Variants in ASTN2 observed in about 807,000 individuals in gnomAD.
ASTN2 encodes the protein astrotactin 2.
Under a neutral mutation model 139.8 loss-of-function variants are expected in ASTN2, and 54 were observed. The ratio of observed to expected loss-of-function variants is 0.39; its 90% CI spans 0.31 to 0.48. The LOEUF (loss-of-function observed/expected upper bound fraction) is 0.48, where lower values mean the gene tolerates loss of function less well. Ranked by LOEUF, ASTN2 falls within the 20% of genes least tolerant of loss-of-function variation. The pLI is 0.95. For synonymous variants in ASTN2, 756 were observed against 719.5 expected (o/e 1.05, Z -0.81); for missense variants, 1,565 against 1,725.1 (o/e 0.91, Z 1.64).
rs577588525 is a variant in ASTN2, at chr9:116,736,516, G to A, written c.2397-2993C>T. Among the ~76,000 whole-genome samples the A allele has an allele frequency of 6.6e-5, 10 of 152,260 alleles. No individual in the cohort carries two copies. In the East Asian group the frequency reaches 9.7e-4, roughly 15 times the overall value. ...GTTGGAAGGGCCATAGTGCCTGGGC[G>A]TGTGCTGAGCCCAGACAGGATGCAG... On this transcript the variant is annotated intron_variant, in intron 13 of 22. Coordinates refer to ENST00000313400, the MANE Select transcript of ASTN2 (RefSeq NM_001365068.1).
At chr9:117,314,289 C>G (rs1161822660) in intron 1 of ASTN2, among the ~76,000 whole-genome samples, 1 of 151,308 alleles carries the variant, frequency 6.6e-6, no homozygotes, top group East Asian at 2.0e-4. Context: ...TCATGCTGAA[C>G]AAGCAGCATC....
chr9:116,653,450 C>G (rs940992010), intron 16 of ASTN2, among the ~76,000 whole-genome samples: 1 of 152,192 alleles, frequency 6.6e-6, no homozygotes, highest in Admixed American at 6.5e-5. Context: ...CTTGAAGAAG[C>G]AAAGTGATTT....
chr9:116,968,854 G>C (rs541852688), intron 10 of ASTN2, among the ~76,000 whole-genome samples: 1 of 145,152 alleles, frequency 6.9e-6, no homozygotes, highest in South Asian at 2.2e-4. Flanking sequence ...AGCTGAGATG[G>C]CACCACTGCA....
At chr9:116,805,210 T>C (rs1473662703) in intron 13 of ASTN2, among the ~76,000 whole-genome samples, 3 of 151,892 alleles carry the variant, frequency 2.0e-5, no homozygotes, top group African/African-American at 7.3e-5. Flanking sequence ...CAGGAAAATG[T>C]TAATTCTAGG....
chr9:117,182,065 A>G (rs1320991245), intron 3 of ASTN2, among the ~76,000 whole-genome samples: 1 of 152,084 alleles, frequency 6.6e-6, no homozygotes, highest in African/African-American at 2.4e-5. Context: ...ACAGTTCACA[A>G]GGCTGCTGTT....
At chr9:117,025,029 C>A (rs1445977314) in intron 6 of ASTN2, among the ~76,000 whole-genome samples, 1 of 152,110 alleles carries the variant, frequency 6.6e-6, no homozygotes, top group Non-Finnish European at 1.5e-5. Context: ...GAGGCCTCCC[C>A]AGCCATGTGG....
At chr9:116,509,829 G>T (rs1425568680) in intron 19 of ASTN2, among the ~76,000 whole-genome samples, 1 of 152,122 alleles carries the variant, frequency 6.6e-6, no homozygotes, top group Admixed American at 6.6e-5. Context: ...GTCTGTTGAT[G>T]TCCTTTGCCC....
intron 19 of ASTN2, among the ~76,000 whole-genome samples, chr9:116,593,045 A>G (rs1386613806): frequency 6.6e-6 from 1 of 152,244 alleles, no homozygotes; most frequent in Non-Finnish European, 1.5e-5. Context: ...GGCAACACAA[A>G]TATGTTGCCC....
intron 1 of ASTN2, among the ~76,000 whole-genome samples, chr9:117,397,318 A>G (rs969080012): frequency 1.2e-4 from 18 of 152,290 alleles, no homozygotes; most frequent in African/African-American, 3.6e-4. Flanking sequence ...ATTTATGAAC[A>G]TCCAAGAAAG....
At chr9:116,466,198 C>T (rs1848643414) in intron 20 of ASTN2, among the ~76,000 whole-genome samples, 1 of 152,144 alleles carries the variant, frequency 6.6e-6, no homozygotes, top group Non-Finnish European at 1.5e-5. Flanking sequence ...TAATCAACTG[C>T]TGGTCCAGGG....
intron 13 of ASTN2, among the ~76,000 whole-genome samples, chr9:116,779,173 T>G (rs1830156938): frequency 6.6e-6 from 1 of 152,188 alleles, no homozygotes; most frequent in Non-Finnish European, 1.5e-5. Context: ...GTTGCAAATT[T>G]AATCCCCATT....
At chr9:117,341,129 T>C (rs1829050913) in intron 1 of ASTN2, among the ~76,000 whole-genome samples, 1 of 152,206 alleles carries the variant, frequency 6.6e-6, no homozygotes, top group South Asian at 2.1e-4. Context: ...TTAAAGCCCT[T>C]GAGCAAGGAA....
intron 13 of ASTN2, among the ~76,000 whole-genome samples, chr9:116,769,810 C>T (rs762531205): frequency 3.9e-5 from 6 of 151,930 alleles, no homozygotes; most frequent in Non-Finnish European, 8.8e-5. Flanking sequence ...GTTGCAAGGT[C>T]GAGGCAGGAG....
At chr9:117,144,390 T>G (rs1184460513) in intron 3 of ASTN2, among the ~76,000 whole-genome samples, 3 of 152,220 alleles carry the variant, frequency 2.0e-5, no homozygotes, top group African/African-American at 7.2e-5. Flanking sequence ...TTGAATGTTA[T>G]TCTCTAAGGC....
At chr9:117,388,215 T>C (rs1388113044) in intron 1 of ASTN2, among the ~76,000 whole-genome samples, 1 of 152,248 alleles carries the variant, frequency 6.6e-6, no homozygotes, top group East Asian at 1.9e-4. Context: ...GCACATGTCT[T>C]GCTTTTTCTA....
At chr9:116,765,810 G>C (rs1336331223) in intron 13 of ASTN2, among the ~76,000 whole-genome samples, 1 of 152,094 alleles carries the variant, frequency 6.6e-6, no homozygotes, top group Non-Finnish European at 1.5e-5. Context: ...TGAAAGCACA[G>C]AGTGACACTT....
At chr9:117,125,835 G>T (rs1174744804) in intron 4 of ASTN2, among the ~76,000 whole-genome samples, 1 of 151,672 alleles carries the variant, frequency 6.6e-6, no homozygotes, top group Non-Finnish European at 1.5e-5. Context: ...GCGGCGGGGG[G>T]GGGAATTGGA....
intron 10 of ASTN2, among the ~76,000 whole-genome samples, chr9:116,878,500 C>T (rs1392849775): frequency 2.0e-5 from 3 of 151,898 alleles, no homozygotes; most frequent in Non-Finnish European, 2.9e-5. Context: ...AGCTGAACAA[C>T]GAGAACACAT....
chr9:117,081,958 T>TA lies in ASTN2; in HGVS notation c.1276+14085dup, dbSNP rs148714456. On this transcript the variant is annotated intron_variant, in intron 5 of 22. Coordinates refer to ENST00000313400, the MANE Select transcript of ASTN2 (RefSeq NM_001365068.1). ...CACTGACCCCTTGACTTCAGCCTCT[T>TA]ACATGATCTTGAGTAAAGAACCCAG... is the stretch of plus-strand genomic sequence containing the variant. Among the ~76,000 whole-genome samples the TA allele has an allele frequency of 2.4e-3, 368 of 152,344 alleles. 3 individuals are homozygous for TA. Among genetic ancestry groups the TA allele is most frequent in the African/African-American group, 8.3e-3 (346 of 41,576 alleles).
Sources: gnomAD v4.1 joint callset for allele counts (sites outside exome capture counted in the v4.1 genomes callset) on GRCh38, gnomAD v4.1.1 for gene constraint, MANE v1.5 for transcripts, NCBI Gene and HGNC (gene_info 2026-07-23, HGNC 2026-07-21) for gene names.